TNIK: variants seen among roughly 807,000 people sequenced by gnomAD.
The protein encoded by TNIK is TRAF2 and NCK-interacting protein kinase.
In TNIK, 49 loss-of-function variants were observed where a neutral mutation model predicts 191.3. The observed-to-expected ratio is 0.26, with a 90% CI of 0.20 to 0.32. The LOEUF (loss-of-function observed/expected upper bound fraction) is 0.32, where lower values mean the gene tolerates loss of function less well. Ranked by LOEUF, TNIK falls within the 10% of genes least tolerant of loss-of-function variation. The probability of loss-of-function intolerance (pLI) is 1.00; values close to 1 mark genes in which losing one functional copy is unlikely to be tolerated. For synonymous variants in TNIK, 594 were observed against 600.9 expected, an observed-to-expected ratio of 0.99 and a Z score of 0.17; for missense variants, 1,155 against 1,702.3, an observed-to-expected ratio of 0.68 and a Z score of 5.66.
At chr3:171,174,289 C>T (rs1241120339) in intron 9 of TNIK, among the ~76,000 whole-genome samples, 3 of 152,044 alleles carry the variant, frequency 2.0e-5, no homozygotes, top group African/African-American at 4.8e-5. Flanking sequence ...CCCAGTCAAG[C>T]GCCTGATCAT....
Position 171,120,900 on chromosome 3 carries a change from C to T in TNIK, c.2120+2696G>A, listed in dbSNP as rs533432235. 2.0e-5 allele frequency among the ~76,000 whole-genome samples: 3 copies of T among 152,278 alleles called. No homozygotes were observed. In the East Asian group the frequency reaches 5.8e-4, roughly 29 times the overall value. On this transcript the variant is annotated intron_variant, in intron 18 of 32. Transcript: ENST00000436636. ...TAGTACCCGTAGTCCCAGAGAGCAG[C>T]AGGTATATTACGACCCCTGCGCCCT...
At chr3:171,197,329 G>C (rs1028271035) in intron 4 of TNIK, among the ~76,000 whole-genome samples, 1 of 151,924 alleles carries the variant, frequency 6.6e-6, no homozygotes, top group Non-Finnish European at 1.5e-5. Flanking sequence ...AACTCTCCTT[G>C]ACCTTAGATT....
Position 171,079,549 on chromosome 3 carries a change from C to T in TNIK, c.3417G>A (p.Gly1139=), listed in dbSNP as rs984527438. Residue 1139 remains glycine (G), a synonymous_variant, in exon 28 of 33, where the codon GGG becomes GGA. Transcript: ENST00000436636. ...TATAATGTATACAGCCTTCCAAGTC[C>T]CCAACAGTGATCCAGCCTTGTTTCT... The part of the protein sequence containing the change: ...VEKKQGWITV[G]DLEGCIHYKV... 6.2e-7 allele frequency: 1 copy of T among 1,613,506 alleles called. No individual in the cohort carries two copies. Among genetic ancestry groups the T allele is most frequent in the African/African-American group, 1.3e-5 (1 of 74,858 alleles).
intron 1 of TNIK, among the ~76,000 whole-genome samples, chr3:171,451,809 A>C (rs901424864): frequency 2.6e-5 from 4 of 152,222 alleles, no homozygotes; most frequent in African/African-American, 9.6e-5. Context: ...CAGGTACTGA[A>C]TGAATATATA....
In TNIK at chr3:171,459,918, C is replaced by T. The variant is rs894388834; in HGVS notation, c.57+89G>A. Reference sequence around the variant, plus strand: ...GACGCATTCTCCCGCTGCTGTCCCCCTGCCCCAGCCCCAGCCCCCAGTCCA... The same window carrying T: ...GACGCATTCTCCCGCTGCTGTCCCCTTGCCCCAGCCCCAGCCCCCAGTCCA... On this transcript the variant is annotated intron_variant, in intron 1 of 32. Transcript: ENST00000436636. 51 of 1,344,374 alleles carry T rather than the reference C, an allele frequency of 3.8e-5. No individual in the cohort carries two copies. The East Asian group carries it at 1.2e-3, about 31-fold the overall frequency. 83.3% of individuals were successfully genotyped at this position (1,344,374 alleles called of 1,614,324 possible). A position where few individuals can be genotyped will look rare whatever the true frequency, so the allele number is the denominator to read the frequency against.
chr3:171,405,353 A>G (rs765622692), intron 1 of TNIK, among the ~76,000 whole-genome samples: 1 of 152,188 alleles, frequency 6.6e-6, no homozygotes, highest in Non-Finnish European at 1.5e-5. Flanking sequence ...GGTAAAAATG[A>G]CCTCAAAATA....
At chr3:171,347,208 T>G (rs1712349754) in intron 2 of TNIK, 1 of 1,517,618 alleles carries the variant, frequency 6.6e-7, no homozygotes, top group Admixed American at 2.1e-5. Flanking sequence ...CTTCACTCAC[T>G]GGTTCATTTG....
At chr3:171,082,615 A>G (rs1720838310) in intron 26 of TNIK, 6 of 537,214 alleles carry the variant, frequency 1.1e-5, no homozygotes, top group Non-Finnish European at 1.9e-5. Context: ...AGCAGCATTC[A>G]TACATCTAGT....
At chr3:171,087,089 G>C (rs1446189315) in intron 24 of TNIK, among the ~76,000 whole-genome samples, 1 of 152,180 alleles carries the variant, frequency 6.6e-6, no homozygotes, top group East Asian at 1.9e-4. Context: ...TCTTGGACAA[G>C]TCATTCAACC....
intron 10 of TNIK, among the ~76,000 whole-genome samples, chr3:171,166,249 T>A (rs1342834950): frequency 1.3e-5 from 2 of 152,226 alleles, no homozygotes; most frequent in East Asian, 1.9e-4. Context: ...CTTCACCATA[T>A]AAGAATCTTG....
rs142777038 is a variant in TNIK, at chr3:171,442,333, AACTTAATAGTCACAGG to A, written c.57+17658_57+17673del. 8.2e-3 allele frequency among the ~76,000 whole-genome samples: 1,252 copies of A among 152,310 alleles called. 19 individuals are homozygous for A. Among genetic ancestry groups the A allele is most frequent in the African/African-American group, 0.028 (1,169 of 41,560 alleles). On this transcript the variant is annotated intron_variant, in intron 1 of 32. Coordinates refer to ENST00000436636, the MANE Select transcript of TNIK (RefSeq NM_015028.4). ...CAGACCTGGCCTCAAAGGGACAGAG[AACTTAATAGTCACAGG>A]AATGTCCCTGCTGCTTTGAATACCC... is the stretch of plus-strand genomic sequence containing the variant.
chr3:171,085,668 C>G (rs1258745543), intron 24 of TNIK, among the ~76,000 whole-genome samples: 7 of 152,150 alleles, frequency 4.6e-5, no homozygotes, highest in African/African-American at 1.4e-4. Flanking sequence ...AACCAAGGGG[C>G]TTTCTCTTGG....
intron 24 of TNIK, among the ~76,000 whole-genome samples, chr3:171,085,470 A>G (rs886538226): frequency 1.3e-5 from 2 of 152,212 alleles, no homozygotes; most frequent in African/African-American, 4.8e-5. Context: ...GTAGTGAGAA[A>G]ATTACATTTT....
chr3:171,139,376 G>A (rs569862140), intron 14 of TNIK, 94 bp downstream of exon 14: 52 of 532,086 alleles, frequency 9.8e-5, no homozygotes, highest in South Asian at 2.9e-4. Flanking sequence ...ACACGCACGC[G>A]CGCACACACA....
chr3:171,190,326 C>G lies in TNIK; in HGVS notation c.508+371G>C, dbSNP rs559934606. ...GCAGGAATTGATTATTCTGAATATG[C>G]CTGTGTATATTTTAATGGAAAAAAA... On this transcript the variant is annotated intron_variant, in intron 6 of 32. Coordinates refer to ENST00000436636, the MANE Select transcript of TNIK (RefSeq NM_015028.4). Among the ~76,000 whole-genome samples the G allele has an allele frequency of 1.9e-4, 29 of 152,152 alleles. No homozygotes were observed. In the South Asian group the frequency reaches 5.4e-3, roughly 28 times the overall value.
chr3:171,188,639 G>A (rs1185841766), intron 7 of TNIK, 63 bp downstream of exon 7: 18 of 1,583,488 alleles, frequency 1.1e-5, no homozygotes, highest in Non-Finnish European at 1.3e-5. Flanking sequence ...GGGCATGTAA[G>A]ACTTTATAAG....
intron 10 of TNIK, among the ~76,000 whole-genome samples, chr3:171,163,427 A>C (rs1274869628): frequency 6.6e-6 from 1 of 152,212 alleles, no homozygotes; most frequent in Non-Finnish European, 1.5e-5. Flanking sequence ...CTCAGATTTG[A>C]TAAACATGCC....
At chr3:171,133,783 A>G (rs1414060438) in intron 15 of TNIK, among the ~76,000 whole-genome samples, 1 of 152,240 alleles carries the variant, frequency 6.6e-6, no homozygotes, top group African/African-American at 2.4e-5. Context: ...TCACTTAGGT[A>G]TAGAGCAGAG....
intron 18 of TNIK, among the ~76,000 whole-genome samples, chr3:171,119,037 A>T (rs966963295): frequency 2.0e-5 from 3 of 152,252 alleles, no homozygotes; most frequent in Admixed American, 1.3e-4. Context: ...AATTTTTGCA[A>T]TCTACTTATC....
Sources: gnomAD v4.1 joint callset for allele counts (sites outside exome capture counted in the v4.1 genomes callset) on GRCh38, gnomAD v4.1.1 for gene constraint, MANE v1.5 for transcripts, NCBI Gene and HGNC (gene_info 2026-07-23, HGNC 2026-07-21) for gene names.